Variants in COBLL1 observed in about 807,000 individuals in gnomAD.
COBLL1 encodes cordon-bleu protein-like 1.
COBLL1 carries 50 observed loss-of-function variants against 94.8 expected under a neutral mutation model. The ratio of observed to expected loss-of-function variants is 0.53; its 90% CI spans 0.42 to 0.67. The LOEUF is 0.67. Among genes scored for constraint, COBLL1 ranks in the 30% least tolerant of loss-of-function variants. The pLI, the probability that COBLL1 is intolerant of heterozygous loss-of-function variation, is 0.00. For missense variants in COBLL1, 1,362 were observed against 1,348.7 expected (o/e 1.01, Z -0.15); for synonymous variants, 448 against 473.8 (o/e 0.95, Z 0.71).
At chr2:164,799,103 A>C (rs1384075126) in intron 2 of COBLL1, among the ~76,000 whole-genome samples, 3 of 151,916 alleles carry the variant, frequency 2.0e-5, no homozygotes, top group Admixed American at 2.0e-4. Flanking sequence ...CCCAGACAGA[A>C]TCCATAAAGC....
chr2:164,741,046 T>C (rs146502473), intron 3 of COBLL1, among the ~76,000 whole-genome samples: 2,275 of 151,972 alleles, frequency 0.015, 53 homozygotes, highest in African/African-American at 0.052. Flanking sequence ...GAGGCTGAGG[T>C]GGGTGGATCA....
At chr2:164,819,179 T>C (rs1013281671) in intron 2 of COBLL1, among the ~76,000 whole-genome samples, 1 of 152,162 alleles carries the variant, frequency 6.6e-6, no homozygotes, top group Admixed American at 6.6e-5. Context: ...GAATTGTCTC[T>C]ATAATAATAA....
In COBLL1 at chr2:164,702,575, A is replaced by AAAAT. The variant is rs1553469790; in HGVS notation, c.1226-1820_1226-1819insATTT. 4.1e-4 allele frequency among the ~76,000 whole-genome samples: 56 copies of AAAAT among 135,076 alleles called. 1 individual carries two copies. The highest frequency in any genetic ancestry group is 1.6e-3 in the African/African-American group (53 of 33,402). 88.6% of individuals were successfully genotyped at this position (135,076 alleles called of 152,430 possible). A position where few individuals can be genotyped will look rare whatever the true frequency, so the allele number is the denominator to read the frequency against. ...AGACTCCTCAAAAAAAAAAAAAAAAAAATAATAATAATAATAATTTGAAAA... is the reference window on the plus strand; with the variant it reads ...AGACTCCTCAAAAAAAAAAAAAAAAAAAATAATAATAATAATAATAATTTGAAAA... On this transcript the variant is annotated intron_variant, in intron 9 of 13. Coordinates refer to ENST00000652658, the MANE Select transcript of COBLL1 (RefSeq NM_001365672.2).
In COBLL1 at chr2:164,841,240, G is replaced by C. The variant is rs982466872; in HGVS notation, c.-44C>G. On this transcript the variant is annotated 5_prime_UTR_variant, in exon 2 of 14. Transcript: ENST00000652658. The surrounding 1 kb of genome is among the most constrained non-coding windows in gnomAD (Gnocchi z 5.5). The stretch of plus-strand genomic sequence containing the variant: ...GCGGGCTCCAGCTCCCAGGCGGCGC[G>C]TCACTGCTGGGGTGGGAGAGGCCGG... The C allele has an allele frequency of 4.1e-6, 5 of 1,228,780 alleles. No individual in the cohort carries two copies. In the African/African-American group the frequency reaches 4.7e-5, roughly 12 times the overall value. The allele number at this position is 1,228,780 out of a possible 1,614,324, so 76.1% of individuals were successfully genotyped here.
At chr2:164,828,883 G>T (rs1024474131) in intron 2 of COBLL1, among the ~76,000 whole-genome samples, 4 of 152,050 alleles carry the variant, frequency 2.6e-5, no homozygotes, top group African/African-American at 9.7e-5. Context: ...AATTGCATTT[G>T]TGGCTTATAG....
At chr2:164,790,511 A>G (rs765364034) in intron 2 of COBLL1, among the ~76,000 whole-genome samples, 8 of 152,178 alleles carry the variant, frequency 5.3e-5, no homozygotes, top group Non-Finnish European at 7.3e-5. Flanking sequence ...CAGAAATGTC[A>G]CACGCAATCT....
chr2:164,776,600 C>T (rs1400661761), intron 2 of COBLL1, among the ~76,000 whole-genome samples: 3 of 151,872 alleles, frequency 2.0e-5, no homozygotes, highest in African/African-American at 7.3e-5. Context: ...TGTCTGCCCC[C>T]TCCCCGCCCA....
intron 5 of COBLL1, chr2:164,727,059 A>T (rs190617070): frequency 3.0e-6 from 3 of 997,808 alleles, no homozygotes; most frequent in African/African-American, 1.6e-5. Context: ...ATTTCAATAT[A>T]TCCAATTTCA....
intron 2 of COBLL1, among the ~76,000 whole-genome samples, chr2:164,753,452 A>AC (rs1365946089): frequency 2.2e-5 from 2 of 90,190 alleles, no homozygotes; most frequent in Non-Finnish European, 4.6e-5. Context: ...TGCACAAACA[A>AC]AAAAAAAAAA....
chr2:164,714,492 T>C (rs887959775), intron 7 of COBLL1, among the ~76,000 whole-genome samples: 4 of 151,838 alleles, frequency 2.6e-5, no homozygotes, highest in Non-Finnish European at 5.9e-5. Flanking sequence ...GATAGAGGTG[T>C]TTTTAGCCAC....
chr2:164,820,657 C>T (rs1685117382), intron 2 of COBLL1, among the ~76,000 whole-genome samples: 1 of 152,132 alleles, frequency 6.6e-6, no homozygotes, highest in South Asian at 2.1e-4. Flanking sequence ...AGAATACCTG[C>T]ATTTATCAGA....
chr2:164,833,745 A>C (rs1430854140), intron 2 of COBLL1, among the ~76,000 whole-genome samples: 2 of 152,154 alleles, frequency 1.3e-5, no homozygotes, highest in Non-Finnish European at 2.9e-5. Context: ...CCACCGCGCC[A>C]GGCCGACAAT....
intron 2 of COBLL1, among the ~76,000 whole-genome samples, chr2:164,758,566 G>T (rs1368395286): frequency 6.6e-6 from 1 of 152,062 alleles, no homozygotes; most frequent in Non-Finnish European, 1.5e-5. Flanking sequence ...CTTTGCACTT[G>T]TGTTTGTTGC....
At chr2:164,738,578 T>C (rs1247358945) in intron 3 of COBLL1, among the ~76,000 whole-genome samples, 1 of 152,226 alleles carries the variant, frequency 6.6e-6, no homozygotes, top group Non-Finnish European at 1.5e-5. Flanking sequence ...AGTCCTTTAA[T>C]GTTCATTTCT....
intron 2 of COBLL1, among the ~76,000 whole-genome samples, chr2:164,777,276 C>A: frequency 6.6e-6 from 1 of 150,534 alleles, no homozygotes. Flanking sequence ...GTAATTTGAT[C>A]CAATGTAAAA....
At chr2:164,676,875 A>G (rs1311642870), downstream of COBLL1, among the ~76,000 whole-genome samples, 1 of 152,146 alleles carries the variant, frequency 6.6e-6, no homozygotes, top group Non-Finnish European at 1.5e-5. Context: ...TAAACCTGCT[A>G]TTCATTTTTA....
At chr2:164,691,634 G>C (rs574606631) in intron 13 of COBLL1, among the ~76,000 whole-genome samples, 4 of 152,270 alleles carry the variant, frequency 2.6e-5, no homozygotes, top group Admixed American at 2.6e-4. Flanking sequence ...TGACACTTGG[G>C]TGTTTTTCCT....
chr2:164,782,095 T>C (rs1227487742), intron 2 of COBLL1, among the ~76,000 whole-genome samples: 1 of 152,198 alleles, frequency 6.6e-6, no homozygotes, highest in Admixed American at 6.6e-5. Flanking sequence ...CTCATTACTT[T>C]GAATTGTCTT....
chr2:164,679,935 A>C (rs1451297584), downstream of COBLL1, among the ~76,000 whole-genome samples: 1 of 150,524 alleles, frequency 6.6e-6, no homozygotes, highest in Non-Finnish European at 1.5e-5. Context: ...TAAAATATAA[A>C]TATAAATAAT....
Sources: allele counts gnomAD v4.1 joint callset (sites outside exome capture counted in the v4.1 genomes callset), GRCh38; gene constraint gnomAD v4.1.1; non-coding constraint Gnocchi (gnomAD v3.1); transcripts MANE v1.5; gene names NCBI Gene and HGNC (gene_info 2026-07-23, HGNC 2026-07-21).